BCL2: variants seen among roughly 807,000 people sequenced by gnomAD.
The protein encoded by BCL2 is BCL2 apoptosis regulator, also known as apoptosis regulator Bcl-2.
Under a neutral mutation model 14.2 loss-of-function variants are expected in BCL2, and 1 was observed. The ratio of observed to expected loss-of-function variants is 0.07; its 90% CI spans 0.02 to 0.33. BCL2 has a LOEUF of 0.33. BCL2 is among the 10% of genes least tolerant of loss of function. The pLI, the probability that BCL2 is intolerant of heterozygous loss-of-function variation, is 0.99. For missense variants in BCL2, 247 were observed against 305.9 expected, an observed-to-expected ratio of 0.81 and a Z score of 1.44; for synonymous variants, 151 against 137.2, an observed-to-expected ratio of 1.10 and a Z score of -0.70.
At chr18:63,256,426 A>G (rs1911477983) in intron 2 of BCL2, among the ~76,000 whole-genome samples, 1 of 152,194 alleles carries the variant, frequency 6.6e-6, no homozygotes, top group Non-Finnish European at 1.5e-5. Flanking sequence ...CATGTTGGCC[A>G]GGCTGGTCTT....
intron 2 of BCL2, among the ~76,000 whole-genome samples, chr18:63,289,843 A>C (rs376682231): frequency 6.6e-6 from 1 of 152,296 alleles, no homozygotes; most frequent in East Asian, 1.9e-4. Context: ...GCAGTGAGCC[A>C]AGATGGTCCC....
intron 2 of BCL2, among the ~76,000 whole-genome samples, chr18:63,279,921 C>T (rs1001867413): frequency 6.6e-6 from 1 of 152,100 alleles, no homozygotes; most frequent in African/African-American, 2.4e-5. Flanking sequence ...AATTGGCTAC[C>T]ATAAAACTTA....
chr18:63,264,522 G>C (rs1440832616), intron 2 of BCL2, among the ~76,000 whole-genome samples: 1 of 152,210 alleles, frequency 6.6e-6, no homozygotes, highest in Non-Finnish European at 1.5e-5. Flanking sequence ...CAAAGGAGAG[G>C]AGAAGGGAGC....
upstream of BCL2, chr18:63,319,795 G>A (rs2144329750): frequency 5.2e-6 from 1 of 193,652 alleles, no homozygotes; most frequent in African/African-American, 2.3e-5. Context: ...GTGGGGGAGG[G>A]TTTTATTTTT....
rs1281838764 is a variant in BCL2, at chr18:63,125,977, G to C, written c.*2648C>G. 1 of 214,056 alleles carries C rather than the reference G, an allele frequency of 4.7e-6. No homozygotes were observed. Among genetic ancestry groups the C allele is most frequent in the African/African-American group, 2.3e-5 (1 of 44,116 alleles). 13.3% of individuals were successfully genotyped at this position (214,056 alleles called of 1,614,324 possible). A position where few individuals can be genotyped will look rare whatever the true frequency, so the allele number is the denominator to read the frequency against. ...TGAACAACAACAAAAGACAAAACAG[G>C]CTTTATATTAAAAACGTCCACGTTC... is the stretch of plus-strand genomic sequence containing the variant. On this transcript the variant is annotated 3_prime_UTR_variant, in exon 3 of 3. Coordinates refer to ENST00000333681, the MANE Select transcript of BCL2 (RefSeq NM_000633.3).
chr18:63,204,706 A>G (rs1217240050), intron 2 of BCL2, among the ~76,000 whole-genome samples: 6 of 152,202 alleles, frequency 3.9e-5, no homozygotes, highest in Non-Finnish European at 5.9e-5. Context: ...GCACACTCTG[A>G]TATCTCCAAA....
At chr18:63,280,938 A>G (rs1261026846) in intron 2 of BCL2, among the ~76,000 whole-genome samples, 1 of 152,234 alleles carries the variant, frequency 6.6e-6, no homozygotes, top group Non-Finnish European at 1.5e-5. Flanking sequence ...CAGCTCAAGT[A>G]TCCATCAATA....
At chr18:63,189,051 A>C (rs1915657425) in intron 2 of BCL2, among the ~76,000 whole-genome samples, 1 of 149,188 alleles carries the variant, frequency 6.7e-6, no homozygotes, top group South Asian at 2.1e-4. Flanking sequence ...TGTAATAGAC[A>C]TCCTTACACA....
chr18:63,197,012 G>T (rs1383153696), intron 2 of BCL2, among the ~76,000 whole-genome samples: 2 of 151,978 alleles, frequency 1.3e-5, no homozygotes, highest in African/African-American at 2.4e-5. Context: ...GCCAAAAAAA[G>T]GTCTTCTTCA....
At chr18:63,175,253 AG>A (rs1382085203) in intron 2 of BCL2, among the ~76,000 whole-genome samples, 23 of 152,224 alleles carry the variant, frequency 1.5e-4, no homozygotes, top group African/African-American at 5.3e-4. Flanking sequence ...GCAAATTTAA[AG>A]ATTGTTCCAT....
intron 2 of BCL2, chr18:63,302,724 T>C (rs573888693): frequency 1.0e-6 from 1 of 984,952 alleles, no homozygotes; most frequent in Non-Finnish European, 1.2e-6. Flanking sequence ...GAAAAAGAGG[T>C]TTAGTAAGGA....
chr18:63,318,662 G>T lies in BCL2; in HGVS notation c.5C>A (p.Ala2Glu). M[A>E]HAGRTGYDNR... ...ATCGTACCCTGTTCTCCCAGCGTGC[G>T]CCATCCTTCCCAGAGGAAAAGCAAC... Residue 2 changes from alanine (A) to glutamate (E), a missense_variant, in exon 2 of 3, where the codon GCG becomes GAG. Around this residue, in one of 3 missense-constraint regions of BCL2, gnomAD observed 144 missense variants for 135.3 expected, o/e 1.06. Coordinates refer to ENST00000333681, the MANE Select transcript of BCL2 (RefSeq NM_000633.3). This position sits in a 1 kb window ranked among gnomAD's most constrained non-coding sequence, Gnocchi z 7.4. The T allele has an allele frequency of 1.2e-6, 2 of 1,612,524 alleles. No homozygotes were observed. The highest frequency in any genetic ancestry group is 1.7e-5 in the Admixed American group (1 of 59,946).
At chr18:63,233,799 A>G (rs539264573) in intron 2 of BCL2, among the ~76,000 whole-genome samples, 10 of 152,276 alleles carry the variant, frequency 6.6e-5, no homozygotes, top group African/African-American at 2.2e-4. Context: ...TGCAACTTCT[A>G]AAGAGTGTTT....
chr18:63,245,333 T>C (rs917400886), intron 2 of BCL2, among the ~76,000 whole-genome samples: 8 of 152,234 alleles, frequency 5.3e-5, no homozygotes. Context: ...ATGGTCTTCA[T>C]ATAAGTCAGA....
At chr18:63,212,743 GCACA>G (rs1910074452) in intron 2 of BCL2, among the ~76,000 whole-genome samples, 1 of 152,064 alleles carries the variant, frequency 6.6e-6, no homozygotes, top group Non-Finnish European at 1.5e-5. Flanking sequence ...AGTCACAGTG[GCACA>G]TGCCTGTAGT....
chr18:63,272,282 T>C (rs1312185502), intron 2 of BCL2, among the ~76,000 whole-genome samples: 2 of 152,218 alleles, frequency 1.3e-5, no homozygotes, highest in Admixed American at 6.5e-5. Flanking sequence ...CAGGATCTGG[T>C]TTCTGCCAAT....
chr18:63,298,159 G>A (rs1912853095), intron 2 of BCL2, among the ~76,000 whole-genome samples: 1 of 152,126 alleles, frequency 6.6e-6, no homozygotes, highest in Non-Finnish European at 1.5e-5. Context: ...GTGTCCTCTG[G>A]GGTAAATGAG....
At chr18:63,231,053 G>T (rs2144176716) in intron 2 of BCL2, among the ~76,000 whole-genome samples, 1 of 152,014 alleles carries the variant, frequency 6.6e-6, no homozygotes, top group Non-Finnish European at 1.5e-5. Flanking sequence ...GACCCAGTAG[G>T]TTTTATCCCA....
At position 63,128,541 on chromosome 18, in the gene BCL2, T is replaced by A. The variant is rs1913975727; in HGVS notation, c.*84A>T. 1.4e-6 allele frequency: 1 copy of A among 720,998 alleles called. No homozygotes were observed. Among genetic ancestry groups the A allele is most frequent in the Non-Finnish European group, 2.6e-6 (1 of 386,040 alleles). 44.7% of individuals were successfully genotyped at this position (720,998 alleles called of 1,614,324 possible). On this transcript the variant is annotated 3_prime_UTR_variant, in exon 3 of 3. Coordinates refer to ENST00000333681, the MANE Select transcript of BCL2 (RefSeq NM_000633.3). ...TTCTTAAACAGCCTGCAGCTTTGTT[T>A]CATGGTACATCACTGACAATGCATA...
Sources: gnomAD v4.1 joint callset for allele counts (sites outside exome capture counted in the v4.1 genomes callset) on GRCh38, gnomAD v4.1.1 for gene constraint, gnomAD v4.1.1 regional missense constraint, Gnocchi (gnomAD v3.1) non-coding constraint, MANE v1.5 for transcripts, NCBI Gene and HGNC (gene_info 2026-07-23, HGNC 2026-07-21) for gene names.